Variants in CTNNA1 observed in about 807,000 individuals in gnomAD.
CTNNA1 encodes catenin alpha 1.
Under a neutral mutation model 98.4 loss-of-function variants are expected in CTNNA1, and 37 were observed. The ratio of observed to expected loss-of-function variants is 0.38; its 90% CI spans 0.29 to 0.49. The LOEUF (loss-of-function observed/expected upper bound fraction) is 0.49, where lower values mean the gene tolerates loss of function less well. Among genes scored for constraint, CTNNA1 ranks in the 20% least tolerant of loss-of-function variants. The pLI is 0.95. For missense variants in CTNNA1, 761 were observed against 1,147.2 expected, an observed-to-expected ratio of 0.66 and a Z score of 4.86; for synonymous variants, 404 against 413.2, an observed-to-expected ratio of 0.98 and a Z score of 0.27.
At chr5:138,929,763 C>A (rs1202709890) in intron 14 of CTNNA1, among the ~76,000 whole-genome samples, 1 of 152,228 alleles carries the variant, frequency 6.6e-6, no homozygotes, top group Admixed American at 6.5e-5. Context: ...GAAAGCCAGT[C>A]AGAGCCATTG....
At chr5:138,782,132 G>A (rs1407204321) in intron 2 of CTNNA1, 103 bp downstream of exon 2, 2 of 1,116,386 alleles carry the variant, frequency 1.8e-6, no homozygotes, top group African/African-American at 3.2e-5. Context: ...CTTAATTCCA[G>A]TACTTGAGTT....
Position 138,874,080 on chromosome 5 carries a change from T to A in CTNNA1, c.1063-12132T>A. 1 of 1,613,878 alleles carries A rather than the reference T, an allele frequency of 6.2e-7. No individual in the cohort carries two copies. Among genetic ancestry groups the A allele is most frequent in the Non-Finnish European group, 8.5e-7 (1 of 1,179,830 alleles). ...AGGGAGTTGGAACGTAAATGCAAGG[T>A]CTGCAGCTTCCGAAGGCCATAGAAG... is the stretch of plus-strand genomic sequence containing the variant. On this transcript the variant is annotated intron_variant, in intron 7 of 17. Coordinates refer to ENST00000302763, the MANE Select transcript of CTNNA1 (RefSeq NM_001903.5). This position sits in a 1 kb window ranked among gnomAD's most constrained non-coding sequence, Gnocchi z 4.1.
At chr5:138,802,832 C>T (rs1581074807) in intron 3 of CTNNA1, among the ~76,000 whole-genome samples, 4 of 152,234 alleles carry the variant, frequency 2.6e-5, no homozygotes, top group South Asian at 2.1e-4. Context: ...CAGGGTCTTG[C>T]GCTGGAGTGG....
chr5:138,927,143 T>A (rs192671236), intron 13 of CTNNA1, among the ~76,000 whole-genome samples: 1 of 152,314 alleles, frequency 6.6e-6, no homozygotes, highest in East Asian at 1.9e-4. Context: ...TGGTTCCCTG[T>A]TCCCATCCTG....
In CTNNA1 at chr5:138,924,623, C is replaced by T. The variant is rs756832179; in HGVS notation, c.1660C>T (p.His554Tyr). ...TCGAGGCCGGGCAGCCCGGGTCATT[C>T]ACGTAGTCACCTCAGAGATGGACAA... ...AIRGRAARVI[H>Y]VVTSEMDNYE... Residue 554 changes from histidine to tyrosine, a missense_variant, in exon 12 of 18, where the codon CAC becomes TAC. Physicochemically the swap from His to Tyr is moderately conservative, Grantham distance 83. Around this residue, in one of 6 missense-constraint regions of CTNNA1, gnomAD observed 287 missense variants for 436.0 expected, o/e 0.66. Transcript: ENST00000302763. The T allele has an allele frequency of 1.2e-6, 2 of 1,613,414 alleles. No homozygotes were observed. The highest frequency in any genetic ancestry group is 4.5e-5 in the East Asian group (2 of 44,894).
Position 138,801,000 on chromosome 5 carries a change from G to C in CTNNA1, c.302-9038G>C, listed in dbSNP as rs965711186. Among the ~76,000 whole-genome samples, 4 of 152,170 alleles carry C rather than the reference G, an allele frequency of 2.6e-5. 1 individual carries two copies. The South Asian group carries it at 8.3e-4, about 32-fold the overall frequency. ...TTCATGGTGTTTCTCAATGTTTTGA[G>C]TGTTGTACTAAACATGATGAATGAG... On this transcript the variant is annotated intron_variant, in intron 3 of 17. Coordinates refer to ENST00000302763, the MANE Select transcript of CTNNA1 (RefSeq NM_001903.5).
intron 1 of CTNNA1, among the ~76,000 whole-genome samples, chr5:138,780,831 G>T (rs1755008025): frequency 1.3e-5 from 2 of 152,280 alleles, no homozygotes; most frequent in South Asian, 2.1e-4. Flanking sequence ...GCTTTTAAAT[G>T]TCTACCAGCA....
chr5:138,925,450 T>C (rs1350602387), intron 13 of CTNNA1, 43 bp downstream of exon 13: 7 of 1,598,314 alleles, frequency 4.4e-6, no homozygotes, highest in Admixed American at 3.4e-5. Flanking sequence ...TTCTTTCTTA[T>C]CATTTGCTAA....
In CTNNA1 at chr5:138,873,809, G is replaced by GTCCA. The variant is rs1750949515; in HGVS notation, c.1063-12402_1063-12399dup. On this transcript the variant is annotated intron_variant, in intron 7 of 17. Coordinates refer to ENST00000302763, the MANE Select transcript of CTNNA1 (RefSeq NM_001903.5). This position sits in a 1 kb window ranked among gnomAD's most constrained non-coding sequence, Gnocchi z 6.1. Reference sequence around the variant, plus strand: ...GTCTAGCTTTTCTAAAGTGCCCCAGGTCCACTCCATCCCACATGTCAAGTT... The same window carrying GTCCA: ...GTCTAGCTTTTCTAAAGTGCCCCAGGTCCATCCACTCCATCCCACATGTCAAGTT... 1 of 1,613,966 alleles carries GTCCA rather than the reference G, an allele frequency of 6.2e-7. No homozygotes were observed. Among genetic ancestry groups the GTCCA allele is most frequent in the Admixed American group, 1.7e-5 (1 of 60,010 alleles).
At chr5:138,922,946 C>T (rs548157715) in intron 11 of CTNNA1, among the ~76,000 whole-genome samples, 62 of 150,260 alleles carry the variant, frequency 4.1e-4, no homozygotes, top group Admixed American at 2.0e-4. Flanking sequence ...AAAAAAAAAC[C>T]GTAGAAGTAT....
At chr5:138,921,346 T>C (rs1762877564) in intron 11 of CTNNA1, among the ~76,000 whole-genome samples, 1 of 152,222 alleles carries the variant, frequency 6.6e-6, no homozygotes, top group South Asian at 2.1e-4. Flanking sequence ...TAATTGGGTT[T>C]ATTAAATTTT....
At chr5:138,892,688 ACCTTTTTG>A (rs1369085213) in intron 9 of CTNNA1, among the ~76,000 whole-genome samples, 1 of 151,848 alleles carries the variant, frequency 6.6e-6, no homozygotes, top group Non-Finnish European at 1.5e-5. Flanking sequence ...AATTTTTGGT[ACCTTTTTG>A]CCTTTTTAAT....
intron 11 of CTNNA1, among the ~76,000 whole-genome samples, chr5:138,923,547 CAG>C (rs1263520288): frequency 6.6e-6 from 1 of 152,112 alleles, no homozygotes; most frequent in African/African-American, 2.4e-5. Flanking sequence ...GTTTTTGAGA[CAG>C]AGTCTCACTC....
intron 17 of CTNNA1, among the ~76,000 whole-genome samples, 198 bp from the exon 18 acceptor site, chr5:138,933,604 C>T (rs539345766): frequency 4.5e-4 from 69 of 152,270 alleles, no homozygotes; most frequent in African/African-American, 1.6e-3. Flanking sequence ...GGTCTGAGGG[C>T]AGGCGCTTCC....
At chr5:138,836,297 C>G (rs781106801) in intron 7 of CTNNA1, among the ~76,000 whole-genome samples, 16 of 152,192 alleles carry the variant, frequency 1.1e-4, no homozygotes, top group Non-Finnish European at 1.3e-4. Flanking sequence ...CAATAGTTTT[C>G]TCTGTGTCTA....
At chr5:138,812,150 TTTTTGGG>T in intron 4 of CTNNA1, 26 bp from the exon 5 acceptor site, 1 of 1,596,150 alleles carries the variant, frequency 6.3e-7, no homozygotes, top group Non-Finnish European at 8.5e-7. Flanking sequence ...ACATTCAGAA[TTTTTGGG>T]TTTTGGGGTC....
intron 3 of CTNNA1, among the ~76,000 whole-genome samples, chr5:138,794,650 T>C (rs1473722430): frequency 6.6e-6 from 1 of 152,226 alleles, no homozygotes; most frequent in African/African-American, 2.4e-5. Context: ...GTATTGCCAA[T>C]TTGCATCTAT....
chr5:138,802,912 T>C (rs927860611), intron 3 of CTNNA1, among the ~76,000 whole-genome samples: 2 of 151,696 alleles, frequency 1.3e-5, no homozygotes, highest in Non-Finnish European at 2.9e-5. Flanking sequence ...ATCCTCCCAC[T>C]TCAGCCTCCT....
chr5:138,924,804 A>T (rs1487949092), intron 12 of CTNNA1, 94 bp downstream of exon 12: 7 of 1,162,110 alleles, frequency 6.0e-6, no homozygotes, highest in Non-Finnish European at 8.6e-6. Flanking sequence ...AGGAAGGAGG[A>T]GTTGGGAACT....
Sources: allele counts gnomAD v4.1 joint callset (sites outside exome capture counted in the v4.1 genomes callset), GRCh38; gene constraint gnomAD v4.1.1; regional missense constraint gnomAD v4.1.1; non-coding constraint Gnocchi (gnomAD v3.1); transcripts MANE v1.5; gene names NCBI Gene and HGNC (gene_info 2026-07-23, HGNC 2026-07-21).